The following UACA variants were observed in gnomAD, a reference collection of about 807,000 sequenced individuals.
The protein encoded by UACA is uveal autoantigen with coiled-coil domains and ankyrin repeats.
UACA carries 112 observed loss-of-function variants against 160.5 expected under a neutral mutation model. The observed-to-expected ratio is 0.70, with a 90% CI of 0.60 to 0.82. UACA has a LOEUF of 0.82. UACA is among the 40% of genes least tolerant of loss of function. UACA has a pLI of 0.00. For synonymous variants in UACA, 557 were observed against 568.4 expected (o/e 0.98, Z 0.29); for missense variants, 1,574 against 1,614.6 (o/e 0.97, Z 0.43).
intron 17 of UACA, chr15:70,661,619 T>C (rs1386032814): frequency 6.6e-6 from 1 of 152,066 alleles, no homozygotes; most frequent in East Asian, 1.9e-4. Flanking sequence ...TCAGCAACAA[T>C]TTACATGTGA....
upstream of UACA, among the ~76,000 whole-genome samples, chr15:70,766,583 C>T (rs2141024208): frequency 6.6e-6 from 1 of 152,134 alleles, no homozygotes. Context: ...TGCTTACCAC[C>T]CCTATTTTGA....
At chr15:70,765,093 T>A (rs75321129), upstream of UACA, among the ~76,000 whole-genome samples, 158 of 152,344 alleles carry the variant, frequency 1.0e-3, no homozygotes, top group African/African-American at 3.8e-3. Context: ...GACGCGACCC[T>A]GTTCTCTAGC....
In UACA at chr15:70,657,026, A is replaced by T. The variant is rs906520715; in HGVS notation, c.*30T>A. On this transcript the variant is annotated 3_prime_UTR_variant, in exon 19 of 19. Transcript: ENST00000322954. ...AAAGAATGTTCAGCACCAGCAAGAT[A>T]AAACAGATACTGGCAGTCAGTGCTA... The T allele has an allele frequency of 3.7e-6, 6 of 1,601,738 alleles. No individual in the cohort carries two copies. The highest frequency in any genetic ancestry group is 4.3e-6 in the Non-Finnish European group (5 of 1,168,866).
chr15:70,673,222 T>G (rs975213346), intron 13 of UACA, among the ~76,000 whole-genome samples: 6 of 151,806 alleles, frequency 4.0e-5, no homozygotes, highest in Non-Finnish European at 7.4e-5. Flanking sequence ...CTACAGTGAG[T>G]GGTGATTGCA....
In UACA at chr15:70,754,004, T is replaced by C. The variant is rs1206736614; in HGVS notation, c.78+9326A>G. ...TATTTTTAGTGGAGACAGGGTTTCATCATGTTGCCCAGGCTGGTTTCGAAC... is the reference window on the plus strand; with the variant it reads ...TATTTTTAGTGGAGACAGGGTTTCACCATGTTGCCCAGGCTGGTTTCGAAC... On this transcript the variant is annotated intron_variant, in intron 1 of 18. Transcript: ENST00000322954. The C allele has an allele frequency of 9.8e-5, 39 of 398,040 alleles. No individual in the cohort carries two copies. The Admixed American group carries it at 1.1e-3, about 11-fold the overall frequency. The allele number at this position is 398,040 out of a possible 1,614,324, so 24.7% of individuals were successfully genotyped here.
chr15:70,692,354 G>A (rs893806033), intron 3 of UACA, among the ~76,000 whole-genome samples: 1 of 151,962 alleles, frequency 6.6e-6, no homozygotes, highest in Non-Finnish European at 1.5e-5. Flanking sequence ...GTAGAGACAG[G>A]GGCTCACTGT....
intron 12 of UACA, 41 bp downstream of exon 12, chr15:70,677,067 C>T (rs1207462340): frequency 3.9e-6 from 6 of 1,543,160 alleles, no homozygotes; most frequent in Non-Finnish European, 5.3e-6. Context: ...TCTTCAATTC[C>T]TAAAACAATT....
chr15:70,739,614 G>A (rs1469539354), intron 1 of UACA, among the ~76,000 whole-genome samples: 1 of 152,144 alleles, frequency 6.6e-6, no homozygotes, highest in African/African-American at 2.4e-5. Flanking sequence ...ATTTTCAATA[G>A]CTGACATATT....
intron 2 of UACA, among the ~76,000 whole-genome samples, chr15:70,696,005 G>A (rs1457068867): frequency 6.6e-6 from 1 of 152,070 alleles, no homozygotes; most frequent in Admixed American, 6.6e-5. Context: ...ATAGTTGTTG[G>A]CAAAGGATGT....
chr15:70,664,806 T>A lies in UACA; in HGVS notation c.3969A>T (p.Glu1323Asp). 1 of 1,609,456 alleles carries A rather than the reference T, an allele frequency of 6.2e-7. No homozygotes were observed. ...QIEAKDNKIT[E>D]LLNDVERLKQ... ...TTAATCTTTCCACATCATTAAGCAG[T>A]TCAGTTATCTTTAAAAAAATGTTGT... Residue 1323 changes from glutamate (E) to aspartate (D), a missense_variant, in exon 17 of 19, where the codon GAA (glutamate) becomes GAT (aspartate). Glu to Asp is a conservative substitution (Grantham distance 45). Transcript: ENST00000322954.
At chr15:70,736,114 G>GA (rs1199721735) in intron 1 of UACA, among the ~76,000 whole-genome samples, 1 of 152,150 alleles carries the variant, frequency 6.6e-6, no homozygotes, top group African/African-American at 2.4e-5. Context: ...GTCTTTAAGG[G>GA]AAACACCTCT....
Position 70,657,000 on chromosome 15 carries a change from C to G in UACA, c.*56G>C. 6.9e-7 allele frequency: 1 copy of G among 1,454,376 alleles called. No individual in the cohort carries two copies. The highest frequency in any genetic ancestry group is 9.7e-7 in the Non-Finnish European group (1 of 1,035,932). The allele number at this position is 1,454,376 out of a possible 1,614,324, so 90.1% of individuals were successfully genotyped here. On this transcript the variant is annotated 3_prime_UTR_variant, in exon 19 of 19. Coordinates refer to ENST00000322954, the MANE Select transcript of UACA (RefSeq NM_018003.4). ...GGCCCAGAAAGACCATGGAGTTGCA[C>G]AAAGAATGTTCAGCACCAGCAAGAT...
chr15:70,673,854 T>TGTTG (rs568452545), intron 13 of UACA, among the ~76,000 whole-genome samples: 26 of 152,120 alleles, frequency 1.7e-4, no homozygotes, highest in South Asian at 4.1e-4. Context: ...CTTAGTAGTT[T>TGTTG]GTTGGTTGGT....
intron 3 of UACA, among the ~76,000 whole-genome samples, chr15:70,694,418 T>C (rs1460437292): frequency 1.3e-5 from 2 of 151,410 alleles, no homozygotes; most frequent in Non-Finnish European, 3.0e-5. Context: ...TTTTTATAAA[T>C]ATAGCTAGGC....
intron 9 of UACA, among the ~76,000 whole-genome samples, chr15:70,680,369 T>C (rs1167989479): frequency 6.6e-6 from 1 of 152,190 alleles, no homozygotes; most frequent in African/African-American, 2.4e-5. Flanking sequence ...TGTAGAAAGC[T>C]ATTTATTTCT....
At chr15:70,738,624 GT>G (rs1452241701) in intron 1 of UACA, among the ~76,000 whole-genome samples, 2 of 151,962 alleles carry the variant, frequency 1.3e-5, no homozygotes, top group Non-Finnish European at 2.9e-5. Flanking sequence ...TTAAAACATG[GT>G]TTTAAAACAT....
chr15:70,720,820 T>G (rs1390556866), intron 1 of UACA, among the ~76,000 whole-genome samples: 2 of 152,200 alleles, frequency 1.3e-5, no homozygotes, highest in African/African-American at 4.8e-5. Flanking sequence ...CCTCACTGAC[T>G]CTGCACCTGA....
upstream of UACA, chr15:70,763,576 C>T (rs191533040): frequency 5.7e-6 from 7 of 1,223,056 alleles, no homozygotes; most frequent in Middle Eastern, 3.1e-4. Flanking sequence ...AGGCGGGGCT[C>T]CCCTCCCGTA....
intron 1 of UACA, among the ~76,000 whole-genome samples, chr15:70,711,331 C>T (rs1044638994): frequency 6.6e-6 from 1 of 151,748 alleles, no homozygotes; most frequent in African/African-American, 2.4e-5. Flanking sequence ...AAAATAAGTA[C>T]CAAAGAACTG....
Sources: allele counts gnomAD v4.1 joint callset (sites outside exome capture counted in the v4.1 genomes callset), GRCh38; gene constraint gnomAD v4.1.1; transcripts MANE v1.5; gene names NCBI Gene and HGNC (gene_info 2026-07-23, HGNC 2026-07-21).